The following SLC20A2 variants were observed in gnomAD, a reference collection of about 807,000 sequenced individuals.
The protein encoded by SLC20A2 is sodium-dependent phosphate transporter 2.
SLC20A2 carries 30 observed loss-of-function variants against 61.0 expected under a neutral mutation model. The ratio of observed to expected loss-of-function variants is 0.49; its 90% CI spans 0.37 to 0.67. The LOEUF is 0.67. SLC20A2 is among the 30% of genes least tolerant of loss of function. The pLI is 0.00. For synonymous variants in SLC20A2, 351 were observed against 353.3 expected (o/e 0.99, Z 0.07); for missense variants, 626 against 866.4 (o/e 0.72, Z 3.48).
chr8:42,435,973 G>A (rs1441563330), intron 8 of SLC20A2, among the ~76,000 whole-genome samples: 4 of 152,030 alleles, frequency 2.6e-5, no homozygotes, highest in African/African-American at 4.8e-5. Flanking sequence ...AAAATTAGCC[G>A]GGCCAGGTTG....
At chr8:42,528,720 G>A (rs929627186) in intron 1 of SLC20A2, among the ~76,000 whole-genome samples, 1 of 151,850 alleles carries the variant, frequency 6.6e-6, no homozygotes, top group African/African-American at 2.4e-5. Flanking sequence ...AGGCTGGAGT[G>A]CAGTGGTGCG....
intron 1 of SLC20A2, among the ~76,000 whole-genome samples, chr8:42,477,602 C>A (rs963053342): frequency 1.3e-5 from 2 of 150,982 alleles, no homozygotes; most frequent in Non-Finnish European, 2.9e-5. Flanking sequence ...TCCCGAGTAG[C>A]TGGGATTAAA....
At chr8:42,496,034 G>A (rs1809904213) in intron 1 of SLC20A2, among the ~76,000 whole-genome samples, 1 of 152,196 alleles carries the variant, frequency 6.6e-6, no homozygotes, top group Non-Finnish European at 1.5e-5. Context: ...ACAGGCGTGA[G>A]CCACCACACC....
chr8:42,492,719 C>CCA (rs1809616146), intron 1 of SLC20A2, among the ~76,000 whole-genome samples: 1 of 150,118 alleles, frequency 6.7e-6, no homozygotes, highest in East Asian at 2.0e-4. Flanking sequence ...GACGGAGTTT[C>CCA]GCTCTGTCAC....
At chr8:42,497,606 C>T (rs1429007056) in intron 1 of SLC20A2, among the ~76,000 whole-genome samples, 1 of 152,114 alleles carries the variant, frequency 6.6e-6, no homozygotes, top group Non-Finnish European at 1.5e-5. Flanking sequence ...CACACATATA[C>T]TTGAAGAACA....
intron 5 of SLC20A2, among the ~76,000 whole-genome samples, chr8:42,451,397 G>C (rs1047940524): frequency 6.7e-6 from 1 of 150,240 alleles, no homozygotes; most frequent in African/African-American, 2.5e-5. Context: ...GGAGGAGGAG[G>C]AAGAGATAGA....
At chr8:42,418,291 T>C (rs1473139868) in intron 10 of SLC20A2, among the ~76,000 whole-genome samples, 3 of 152,300 alleles carry the variant, frequency 2.0e-5, no homozygotes, top group African/African-American at 7.2e-5. Flanking sequence ...CTCAGCCTCC[T>C]GAGCAGCTGA....
Position 42,463,005 on chromosome 8 carries a change from C to G in SLC20A2, c.516G>C (p.Lys172Asn). ...FVLIRIFILKKEDPVPNGLRA... is the reference protein window; with the variant it reads ...FVLIRIFILKNEDPVPNGLRA... ...AATTAAAAGTAGCAGCCCCACTTAC[C>G]TTTTTTAAGATGAAAATTCTGATGA... Residue 172 changes from lysine to asparagine, a missense_variant and splice_region_variant, in exon 4 of 11, where the codon AAG becomes AAC. This residue lies in a region of SLC20A2 where 361 missense variants were observed against 422.3 expected (regional missense o/e 0.85). Transcript: ENST00000520262. 6.3e-7 allele frequency: 1 copy of G among 1,580,788 alleles called. No individual in the cohort carries two copies. The highest frequency in any genetic ancestry group is 1.2e-5 in the South Asian group (1 of 85,270).
chr8:42,482,723 A>T (rs1039964490), intron 1 of SLC20A2, among the ~76,000 whole-genome samples: 22 of 136,664 alleles, frequency 1.6e-4, no homozygotes, highest in Non-Finnish European at 3.0e-4. Flanking sequence ...CCCTGTCTTT[A>T]AAAAAAACAA....
At chr8:42,418,940 TTGAGCTTGCAG>T (rs1802857529) in intron 10 of SLC20A2, among the ~76,000 whole-genome samples, 1 of 148,946 alleles carries the variant, frequency 6.7e-6, no homozygotes. Context: ...GGAGCTTGCA[TTGAGCTTGCAG>T]TGAGCGGAGA....
intron 1 of SLC20A2, chr8:42,535,404 A>G (rs2131451501): frequency 6.6e-6 from 1 of 152,334 alleles, no homozygotes; most frequent in Admixed American, 6.5e-5. Flanking sequence ...GCAAATTTTC[A>G]TACAATATTG....
chr8:42,471,375 C>T (rs1807626651), intron 2 of SLC20A2, among the ~76,000 whole-genome samples: 1 of 152,226 alleles, frequency 6.6e-6, no homozygotes, highest in South Asian at 2.1e-4. Context: ...CTTATTCACA[C>T]AGTTCACACA....
intron 10 of SLC20A2, among the ~76,000 whole-genome samples, chr8:42,427,662 T>C (rs915396266): frequency 4.6e-5 from 7 of 152,206 alleles, no homozygotes; most frequent in African/African-American, 1.4e-4. Flanking sequence ...TGATTCTTCA[T>C]GCGTGGAGCC....
At chr8:42,520,058 G>C (rs1375036605) in intron 1 of SLC20A2, among the ~76,000 whole-genome samples, 1 of 132,852 alleles carries the variant, frequency 7.5e-6, no homozygotes, top group African/African-American at 2.9e-5. Flanking sequence ...CTGTTGCCTA[G>C]GCTGGAGTGT....
chr8:42,457,654 T>G lies in SLC20A2; in HGVS notation c.613+2242A>C, dbSNP rs148228548. On this transcript the variant is annotated intron_variant, in intron 5 of 10. Transcript: ENST00000520262. ...GGCGCGCACCATCACGCCCAGCTAATTTTTGTATTTTTAGTAGAGACGGGG... is the reference window on the plus strand; with the variant it reads ...GGCGCGCACCATCACGCCCAGCTAAGTTTTGTATTTTTAGTAGAGACGGGG... Among the ~76,000 whole-genome samples the G allele has an allele frequency of 5.0e-3, 755 of 152,132 alleles. 8 individuals are homozygous for G. Among genetic ancestry groups the G allele is most frequent in the African/African-American group, 0.017 (705 of 41,518 alleles).
At chr8:42,441,765 C>T (rs1804802672) in intron 6 of SLC20A2, among the ~76,000 whole-genome samples, 1 of 151,762 alleles carries the variant, frequency 6.6e-6, no homozygotes, top group African/African-American at 2.4e-5. Context: ...CTGCGCCTGG[C>T]CTATTTTGCT....
At chr8:42,512,503 A>G (rs115271039) in intron 1 of SLC20A2, among the ~76,000 whole-genome samples, 444 of 152,066 alleles carry the variant, frequency 2.9e-3, no homozygotes, top group African/African-American at 0.01. Flanking sequence ...GGCGTGCGCT[A>G]TCACACCCAG....
intron 1 of SLC20A2, among the ~76,000 whole-genome samples, chr8:42,521,861 C>G (rs1201303944): frequency 1.7e-5 from 2 of 120,762 alleles, no homozygotes; most frequent in African/African-American, 5.1e-5. Flanking sequence ...ACTATGGACA[C>G]GCTTCACCAA....
intron 5 of SLC20A2, among the ~76,000 whole-genome samples, chr8:42,453,012 A>G (rs1805867465): frequency 6.6e-6 from 1 of 152,170 alleles, no homozygotes; most frequent in South Asian, 2.1e-4. Flanking sequence ...ACCACAGGTC[A>G]CTGGGCTGCA....
Sources: allele counts gnomAD v4.1 joint callset (sites outside exome capture counted in the v4.1 genomes callset), GRCh38; gene constraint gnomAD v4.1.1; regional missense constraint gnomAD v4.1.1; transcripts MANE v1.5; gene names NCBI Gene and HGNC (gene_info 2026-07-23, HGNC 2026-07-21).